PDE1A: variants seen among roughly 807,000 people sequenced by gnomAD.
PDE1A encodes dual specificity calcium/calmodulin-dependent 3',5'-cyclic nucleotide phosphodiesterase 1A.
In PDE1A, 35 loss-of-function variants were observed where a neutral mutation model predicts 61.7. The observed-to-expected ratio is 0.57, with a 90% CI of 0.43 to 0.75. The LOEUF (loss-of-function observed/expected upper bound fraction) is 0.75. Among genes scored for constraint, PDE1A ranks in the 30% least tolerant of loss-of-function variants. The pLI is 0.00. For missense variants in PDE1A, 597 were observed against 630.6 expected (o/e 0.95, Z 0.57); for synonymous variants, 232 against 213.2 (o/e 1.09, Z -0.77).
intron 1 of PDE1A, among the ~76,000 whole-genome samples, chr2:182,401,757 G>A (rs1702010982): frequency 6.6e-6 from 1 of 152,192 alleles, no homozygotes; most frequent in Non-Finnish European, 1.5e-5. Flanking sequence ...CAGATGACAT[G>A]ACTGTATATT....
intron 2 of PDE1A, among the ~76,000 whole-genome samples, chr2:182,454,017 C>T (rs1685717843): frequency 1.3e-5 from 2 of 151,914 alleles, no homozygotes; most frequent in African/African-American, 4.8e-5. Flanking sequence ...ATCTAGAAAA[C>T]CCCATTGTCT....
intron 2 of PDE1A, among the ~76,000 whole-genome samples, chr2:182,242,486 C>T (rs1046505927): frequency 2.6e-5 from 4 of 152,216 alleles, no homozygotes; most frequent in Non-Finnish European, 5.9e-5. Context: ...AAGGCAACAA[C>T]TACCTCCGTG....
chr2:182,551,931 G>T, the PDE1A span, among the ~76,000 whole-genome samples: 2 of 152,096 alleles, frequency 1.3e-5, no homozygotes, highest in Non-Finnish European at 2.9e-5. Flanking sequence ...CAAACACAGT[G>T]TCTATTTCTA....
intron 2 of PDE1A, among the ~76,000 whole-genome samples, chr2:182,515,954 C>CTGTGTGTG (rs201729102): frequency 0.015 from 1,981 of 130,250 alleles, 16 homozygotes; most frequent in Non-Finnish European, 0.024. Flanking sequence ...GTGTGTGTTT[C>CTGTGTGTG]TGTGTGTGTG....
At chr2:182,676,315 T>A in the PDE1A span, among the ~76,000 whole-genome samples, 2 of 151,578 alleles carry the variant, frequency 1.3e-5, no homozygotes, top group Non-Finnish European at 2.9e-5. Context: ...AAAACCTAGG[T>A]GAGATGGATA....
intron 1 of PDE1A, among the ~76,000 whole-genome samples, chr2:182,409,209 C>T (rs1190507701): frequency 6.6e-6 from 1 of 152,166 alleles, no homozygotes; most frequent in African/African-American, 2.4e-5. Context: ...TCGATTAGCA[C>T]CTTTCTCAGT....
At chr2:182,150,665 A>C (rs1398845099) in intron 13 of PDE1A, among the ~76,000 whole-genome samples, 1 of 152,210 alleles carries the variant, frequency 6.6e-6, no homozygotes, top group African/African-American at 2.4e-5. Context: ...AAATGATAGA[A>C]ATTTTATGGG....
downstream of PDE1A, among the ~76,000 whole-genome samples, chr2:182,164,386 G>T (rs1691541992): frequency 6.6e-6 from 1 of 152,050 alleles, no homozygotes; most frequent in African/African-American, 2.4e-5. Flanking sequence ...GAACATAATT[G>T]GAATATTGGT....
chr2:182,672,396 G>A, the PDE1A span, among the ~76,000 whole-genome samples: 4 of 152,172 alleles, frequency 2.6e-5, no homozygotes, highest in Non-Finnish European at 4.4e-5. Flanking sequence ...AAAAGTGTGA[G>A]ATATCATGAA....
At chr2:182,434,924 G>T (rs1278042321) in intron 2 of PDE1A, among the ~76,000 whole-genome samples, 3 of 151,978 alleles carry the variant, frequency 2.0e-5, no homozygotes, top group African/African-American at 7.2e-5. Context: ...TCTAGTGACA[G>T]AAAAGCTGTT....
chr2:182,173,517 G>A (rs973077290), intron 13 of PDE1A, among the ~76,000 whole-genome samples: 30 of 151,688 alleles, frequency 2.0e-4, no homozygotes, highest in African/African-American at 7.3e-4. Context: ...CAAAGCTGAA[G>A]AGGTTAAATT....
At position 182,481,982 on chromosome 2, in the gene PDE1A, G is replaced by A. The variant is rs574324438; in HGVS notation, c.101+40294C>T. 7.2e-5 allele frequency among the ~76,000 whole-genome samples: 11 copies of A among 151,970 alleles called. No individual in the cohort carries two copies. In the South Asian group the frequency reaches 1.0e-3, roughly 14 times the overall value. On this transcript the variant is annotated intron_variant, in intron 2 of 14. Transcript: ENST00000410103. ...CTCAGCTACAGAACTGGAGATATAC[G>A]ATACCTTTACATTCTGAGATCCCCT...
intron 2 of PDE1A, among the ~76,000 whole-genome samples, chr2:182,434,411 C>T (rs1474478234): frequency 6.6e-6 from 1 of 152,050 alleles, no homozygotes; most frequent in Non-Finnish European, 1.5e-5. Flanking sequence ...AGAACAGAAA[C>T]TCATTTCCTC....
chr2:182,625,157 C>T, the PDE1A span, among the ~76,000 whole-genome samples: 6 of 152,318 alleles, frequency 3.9e-5, no homozygotes, highest in African/African-American at 1.4e-4. Context: ...TGTGTGCAAG[C>T]TAGAAAGTGA....
chr2:182,613,169 T>C, the PDE1A span, among the ~76,000 whole-genome samples: 1 of 152,254 alleles, frequency 6.6e-6, no homozygotes, highest in Non-Finnish European at 1.5e-5. Flanking sequence ...CTATTTTTTA[T>C]ATTTGTCAAA....
chr2:182,217,253 A>G (rs1462088643), intron 7 of PDE1A, among the ~76,000 whole-genome samples: 13 of 89,726 alleles, frequency 1.4e-4, no homozygotes, highest in East Asian at 8.5e-4. Context: ...CTTATACCTT[A>G]TACAAAAATC....
the PDE1A span, among the ~76,000 whole-genome samples, chr2:182,589,121 G>GT: frequency 2.7e-5 from 4 of 148,168 alleles, no homozygotes; most frequent in African/African-American, 7.4e-5. Context: ...CAATTATATT[G>GT]TTTTTTTTAA....
chr2:182,616,428 T>C, the PDE1A span, among the ~76,000 whole-genome samples: 2 of 152,342 alleles, frequency 1.3e-5, no homozygotes, highest in African/African-American at 4.8e-5. Flanking sequence ...TTACTTCAGA[T>C]GGAAGATACC....
chr2:182,526,234 TA>T (rs1408035776), upstream of PDE1A, among the ~76,000 whole-genome samples: 4 of 152,222 alleles, frequency 2.6e-5, no homozygotes, highest in East Asian at 7.7e-4. Context: ...AGACCAAAAA[TA>T]ATTTTCAAAT....
Sources: gnomAD v4.1 joint callset for allele counts (sites outside exome capture counted in the v4.1 genomes callset) on GRCh38, gnomAD v4.1.1 for gene constraint, MANE v1.5 for transcripts, NCBI Gene and HGNC (gene_info 2026-07-23, HGNC 2026-07-21) for gene names.